ABCG2: variants seen among roughly 807,000 people sequenced by gnomAD.
The protein encoded by ABCG2 is broad substrate specificity ATP-binding cassette transporter ABCG2.
In ABCG2, 80 loss-of-function variants were observed where a neutral mutation model predicts 73.5. The ratio of observed to expected loss-of-function variants is 1.09; its 90% CI spans 0.91 to 1.31. The LOEUF (loss-of-function observed/expected upper bound fraction) is 1.31, where lower values mean the gene tolerates loss of function less well. Among genes scored for constraint, ABCG2 ranks in the 50% most tolerant of loss-of-function variants. The pLI is 0.00. For synonymous variants in ABCG2, 269 were observed against 282.4 expected, an observed-to-expected ratio of 0.95 and a Z score of 0.48; for missense variants, 796 against 786.2, an observed-to-expected ratio of 1.01 and a Z score of -0.15.
chr4:88,105,424 A>C (rs1422651667), intron 10 of ABCG2, among the ~76,000 whole-genome samples: 1 of 152,232 alleles, frequency 6.6e-6, no homozygotes, highest in Non-Finnish European at 1.5e-5. Flanking sequence ...TTCTCCATAC[A>C]TGAAATAACC....
At chr4:88,146,187 C>T (rs372493541) in intron 1 of ABCG2, among the ~76,000 whole-genome samples, 10 of 152,116 alleles carry the variant, frequency 6.6e-5, no homozygotes, top group Admixed American at 2.0e-4. Flanking sequence ...TTTGCAACAA[C>T]GTATCGCTGT....
In ABCG2 at chr4:88,116,007, C is replaced by T. The variant is rs981351585; in HGVS notation, c.842-949G>A. Among the ~76,000 whole-genome samples, 4 of 152,238 alleles carry T rather than the reference C, an allele frequency of 2.6e-5. No homozygotes were observed. The South Asian group carries it at 8.3e-4, about 32-fold the overall frequency. ...CCCAGGACTTCCAGACCAACCTAGCCAACATGGCAAAACCCCATCTCTACT... is the reference window on the plus strand; with the variant it reads ...CCCAGGACTTCCAGACCAACCTAGCTAACATGGCAAAACCCCATCTCTACT... On this transcript the variant is annotated intron_variant, in intron 7 of 15. Coordinates refer to ENST00000237612, the MANE Select transcript of ABCG2 (RefSeq NM_004827.3).
intron 1 of ABCG2, among the ~76,000 whole-genome samples, chr4:88,202,525 AG>A (rs1266169695): frequency 1.3e-5 from 2 of 151,448 alleles, no homozygotes; most frequent in Non-Finnish European, 2.9e-5. Context: ...GGGGAAACAG[AG>A]ACTCTAAGCA....
chr4:88,152,492 T>C (rs1047116875), intron 1 of ABCG2, among the ~76,000 whole-genome samples: 1 of 151,972 alleles, frequency 6.6e-6, no homozygotes, highest in African/African-American at 2.4e-5. Context: ...AAAGGGGGTT[T>C]GTTCTCTGGT....
intron 1 of ABCG2, among the ~76,000 whole-genome samples, chr4:88,157,117 C>T (rs752735582): frequency 6.6e-6 from 1 of 152,176 alleles, no homozygotes; most frequent in South Asian, 2.1e-4. Flanking sequence ...AAAGTATTGA[C>T]ATCATGTACC....
Position 88,118,222 on chromosome 4 carries a change from T to A in ABCG2, c.728A>T (p.His243Leu). Residue 243 changes from histidine (H) to leucine (L), a missense_variant, in exon 7 of 16, where the codon CAT becomes CTT. Transcript: ENST00000237612. The stretch of plus-strand genomic sequence containing the variant: ...CTTGAAGATGGAATATCGAGGCTGA[T>A]GAATGGAGAAGATGATTGTTCGTCC... ...KQGRTIIFSIHQPRYSIFKLF... is the reference protein window; with the variant it reads ...KQGRTIIFSILQPRYSIFKLF... The A allele has an allele frequency of 6.2e-7, 1 of 1,614,170 alleles. No homozygotes were observed. Among genetic ancestry groups the A allele is most frequent in the Non-Finnish European group, 8.5e-7 (1 of 1,180,016 alleles).
intron 13 of ABCG2, among the ~76,000 whole-genome samples, 200 bp from the exon 14 acceptor site, chr4:88,095,809 T>C (rs1041912252): frequency 6.6e-6 from 1 of 152,210 alleles, no homozygotes; most frequent in Non-Finnish European, 1.5e-5. Context: ...GCTGAAGTCA[T>C]TTACGGTTTT....
At chr4:88,152,423 A>G (rs989557134) in intron 1 of ABCG2, among the ~76,000 whole-genome samples, 1 of 152,168 alleles carries the variant, frequency 6.6e-6, no homozygotes, top group African/African-American at 2.4e-5. Context: ...TCCGAAAAGA[A>G]AGTCAGCAAA....
At chr4:88,112,731 A>G in intron 9 of ABCG2, among the ~76,000 whole-genome samples, 1 of 152,158 alleles carries the variant, frequency 6.6e-6, no homozygotes, top group East Asian at 1.9e-4. Context: ...ATTTCCCAAA[A>G]AAAAAATTTT....
At chr4:88,096,311 A>G (rs749501718) in intron 13 of ABCG2, among the ~76,000 whole-genome samples, 3 of 152,250 alleles carry the variant, frequency 2.0e-5, no homozygotes, top group Non-Finnish European at 4.4e-5. Context: ...ATGCATAACA[A>G]TGATGATGTT....
rs1471153159 is a variant in ABCG2, at chr4:88,121,667, G to A, written c.657C>T (p.Ser219=). ...GGAGCAAAAGGACAGCATTTGCTGT[G>A]CTTGAGTCTAAGCCAGTTGTAGGCT... ...LDEPTTGLDS[S]TANAVLLLLK... Residue 219 remains serine (S), a synonymous_variant, in exon 6 of 16, where the codon AGC becomes AGT. Transcript: ENST00000237612. 1 of 1,613,958 alleles carries A rather than the reference G, an allele frequency of 6.2e-7. No homozygotes were observed. The highest frequency in any genetic ancestry group is 8.5e-7 in the Non-Finnish European group (1 of 1,179,988).
rs76579861 is a variant in ABCG2 at position 88,188,355 on chromosome 4, A to G, written c.-20+42639T>C. 1.5e-3 allele frequency among the ~76,000 whole-genome samples: 221 copies of G among 151,996 alleles called. 1 individual carries two copies. The highest frequency in any genetic ancestry group is 4.9e-3 in the African/African-American group (202 of 41,480). On this transcript the variant is annotated intron_variant, in intron 1 of 15. Transcript: ENST00000515655. ...GGTCTAAACGTCTGTCTCTATGCCC[A>G]TACGACACTATTTTAATTACAATTA...
intron 1 of ABCG2, among the ~76,000 whole-genome samples, chr4:88,177,231 C>CG (rs1338392375): frequency 9.9e-5 from 15 of 150,968 alleles, no homozygotes; most frequent in African/African-American, 2.7e-4. Flanking sequence ...AAAAATTAGC[C>CG]AGCATGGTGG....
chr4:88,203,506 C>A (rs1310803803), intron 1 of ABCG2, among the ~76,000 whole-genome samples: 1 of 152,142 alleles, frequency 6.6e-6, no homozygotes, highest in Non-Finnish European at 1.5e-5. Flanking sequence ...CGCGGTGGCT[C>A]ATGCCTTTAA....
Position 88,186,851 on chromosome 4 carries a change from A to G in ABCG2, c.-20+44143T>C, listed in dbSNP as rs865790902. ...GGAGAATGGCGTGAACCCGGGAGGC[A>G]GAGCTTGCAGTGAGCCGAGATCCCG... On this transcript the variant is annotated intron_variant, in intron 1 of 15. Transcript: ENST00000515655. 4.7e-3 allele frequency among the ~76,000 whole-genome samples: 683 copies of G among 145,492 alleles called. 4 individuals are homozygous for G. The highest frequency in any genetic ancestry group is 0.015 in the African/African-American group (570 of 39,244).
chr4:88,159,082 G>A (rs928798724), upstream of ABCG2: 3 of 455,106 alleles, frequency 6.6e-6, no homozygotes, highest in Non-Finnish European at 1.3e-5. Flanking sequence ...CTCCCTCGGG[G>A]CTAGGGTCAC....
At chr4:88,143,238 A>G (rs1055454197) in intron 1 of ABCG2, among the ~76,000 whole-genome samples, 2 of 152,188 alleles carry the variant, frequency 1.3e-5, no homozygotes, top group African/African-American at 4.8e-5. Flanking sequence ...CTCTAGAGAT[A>G]ACTGTAATGT....
intron 1 of ABCG2, among the ~76,000 whole-genome samples, chr4:88,192,345 T>C (rs13152371): frequency 0.28 from 43,268 of 152,084 alleles, 6,785 homozygotes; most frequent in Middle Eastern, 0.42. Context: ...CTGGATTGTA[T>C]ACTTACAAGA....
chr4:88,217,308 T>A (rs1729851189), intron 1 of ABCG2, among the ~76,000 whole-genome samples: 2 of 152,136 alleles, frequency 1.3e-5, no homozygotes, highest in Non-Finnish European at 2.9e-5. Context: ...AAGGTTGGGA[T>A]GTTGTCCTAC....
Sources: allele counts gnomAD v4.1 joint callset (sites outside exome capture counted in the v4.1 genomes callset), GRCh38; gene constraint gnomAD v4.1.1; transcripts MANE v1.5; gene names NCBI Gene and HGNC (gene_info 2026-07-23, HGNC 2026-07-21).